ACSBG1: variants seen among roughly 807,000 people sequenced by gnomAD.
The protein encoded by ACSBG1 is acyl-CoA synthetase bubblegum family member 1, also known as long-chain-fatty-acid--CoA ligase ACSBG1.
Under a neutral mutation model 80.2 loss-of-function variants are expected in ACSBG1, and 39 were observed. The ratio of observed to expected loss-of-function variants is 0.49; its 90% confidence interval spans 0.38 to 0.64. ACSBG1 has a LOEUF of 0.64. ACSBG1 is among the 30% of genes least tolerant of loss of function. The pLI is 0.00. For missense variants in ACSBG1, 828 were observed against 966.4 expected, an observed-to-expected ratio of 0.86 and a Z score of 1.90; for synonymous variants, 392 against 379.5, an observed-to-expected ratio of 1.03 and a Z score of -0.38.
chr15:78,193,944 G>A lies in ACSBG1; in HGVS notation c.530C>T (p.Thr177Ile), dbSNP rs749048599. 4 of 1,613,790 alleles carry A rather than the reference G, an allele frequency of 2.5e-6. No individual in the cohort carries two copies. In the East Asian group the frequency reaches 6.7e-5, roughly 27 times the overall value. Reference sequence around the variant, plus strand: ...CCCCGCCACTCACCCTGCAAATACTGTGCCCACTGCCGAGAAGAACCACTC... The same window carrying A: ...CCCCGCCACTCACCCTGCAAATACTATGCCCACTGCCGAGAAGAACCACTC... The part of the protein sequence containing the change: ...SPEWFFSAVG[T>I]VFAGGIVTGI... Residue 177 changes from threonine (T) to isoleucine (I), a missense_variant, in exon 4 of 14, where the codon ACA (threonine) becomes ATA (isoleucine). Transcript: ENST00000258873.
intron 8 of ACSBG1, among the ~76,000 whole-genome samples, chr15:78,181,489 CTTTTTTTTTTTTT>C (rs71145901): frequency 1.2e-5 from 1 of 83,044 alleles, no homozygotes; most frequent in African/African-American, 4.7e-5. Context: ...CATCAGGTTT[CTTTTTTTTTTTTT>C]TTTTTTTTTT....
In ACSBG1 at chr15:78,194,741, A is replaced by G; in HGVS notation, c.233-15T>C. 1 of 1,609,330 alleles carries G rather than the reference A, an allele frequency of 6.2e-7. No individual in the cohort carries two copies. On this transcript the variant is annotated splice_polypyrimidine_tract_variant and intron_variant, in intron 2 of 13. Coordinates refer to ENST00000258873, the MANE Select transcript of ACSBG1 (RefSeq NM_015162.5). ...CAGCGCCTCCTCTGTGGGGTGGGGG[A>G]GACCACAGCTTGGATCATGCCAGCC...
chr15:78,225,446 AAAAT>A (rs2075393016), intron 1 of ACSBG1, among the ~76,000 whole-genome samples: 1 of 150,740 alleles, frequency 6.6e-6, no homozygotes, highest in South Asian at 2.1e-4. Context: ...AATAAATTAA[AAAAT>A]AAAATAAATT....
At chr15:78,174,974 G>A (rs1041184374) in intron 11 of ACSBG1, among the ~76,000 whole-genome samples, 1 of 152,216 alleles carries the variant, frequency 6.6e-6, no homozygotes, top group Admixed American at 6.5e-5. Context: ...CACTCTTATT[G>A]TTTTGCAGAT....
At position 78,208,654 on chromosome 15, in the gene ACSBG1, G is replaced by A. The variant is rs753554765; in HGVS notation, c.132-552C>T. 5.9e-5 allele frequency among the ~76,000 whole-genome samples: 9 copies of A among 152,166 alleles called. 1 individual carries two copies. The highest frequency in any genetic ancestry group is 1.4e-4 in the African/African-American group (6 of 41,450). ...TCCCCTCTTCCATGTGCTTGTGGGTGCACCATGCACCCCATGTCTGTTCAC... is the reference window on the plus strand; with the variant it reads ...TCCCCTCTTCCATGTGCTTGTGGGTACACCATGCACCCCATGTCTGTTCAC... On this transcript the variant is annotated intron_variant, in intron 1 of 13. Transcript: ENST00000258873.
chr15:78,211,462 T>A (rs981214083), intron 1 of ACSBG1, among the ~76,000 whole-genome samples: 1 of 152,208 alleles, frequency 6.6e-6, no homozygotes, highest in African/African-American at 2.4e-5. Flanking sequence ...GAAGAAGAGC[T>A]TACAAGGTTG....
chr15:78,226,916 G>T (rs1475757195), intron 1 of ACSBG1, among the ~76,000 whole-genome samples: 3 of 150,150 alleles, frequency 2.0e-5, no homozygotes, highest in Non-Finnish European at 4.4e-5. Flanking sequence ...AAAAAAATTT[G>T]CTCATCAAAA....
chr15:78,175,064 C>T (rs2074869666), intron 11 of ACSBG1, among the ~76,000 whole-genome samples: 1 of 152,200 alleles, frequency 6.6e-6, no homozygotes, highest in Non-Finnish European at 1.5e-5. Flanking sequence ...GGTTTTAAAT[C>T]CAGTCCATTT....
chr15:78,234,487 A>G lies in ACSBG1; in HGVS notation c.15T>C (p.Ser5=). ...CGTGTGGGCAGCCGTATCCAGCTCCAGAATTGCGTGGCATCTGCCTCGGGC... is the reference window on the plus strand; with the variant it reads ...CGTGTGGGCAGCCGTATCCAGCTCCGGAATTGCGTGGCATCTGCCTCGGGC... The part of the protein sequence containing the change: MPRN[S]GAGYGCPHGD... The change falls in exon 1 of 14, where the codon TCT becomes TCC. Residue 5 remains serine, a synonymous_variant. Coordinates refer to ENST00000258873, the MANE Select transcript of ACSBG1 (RefSeq NM_015162.5). 1 of 1,610,720 alleles carries G rather than the reference A, an allele frequency of 6.2e-7. No homozygotes were observed.
chr15:78,196,276 C>T (rs544310104), intron 2 of ACSBG1, among the ~76,000 whole-genome samples: 21 of 152,238 alleles, frequency 1.4e-4, no homozygotes, highest in Non-Finnish European at 2.8e-4. Context: ...CCCCATATCC[C>T]GGGATGCTAG....
chr15:78,194,918 C>T (rs1221693024), intron 2 of ACSBG1, among the ~76,000 whole-genome samples, 192 bp from the exon 3 acceptor site: 1 of 152,322 alleles, frequency 6.6e-6, no homozygotes, highest in African/African-American at 2.4e-5. Context: ...TCTGACTCAG[C>T]CTTGAAGGAA....
rs575377093 is a variant in ACSBG1, at chr15:78,177,938, C to A, written c.1702+676G>T. Among the ~76,000 whole-genome samples, 1 of 152,284 alleles carries A rather than the reference C, an allele frequency of 6.6e-6. No homozygotes were observed. Among genetic ancestry groups the A allele is most frequent in the East Asian group, 1.9e-4 (1 of 5,184 alleles). On this transcript the variant is annotated intron_variant, in intron 11 of 13. Coordinates refer to ENST00000258873, the MANE Select transcript of ACSBG1 (RefSeq NM_015162.5). The surrounding 1 kb of genome is among the most constrained non-coding windows in gnomAD (Gnocchi z 4.1). ...GTTTGTCTTATTTTAAATTTTATAT[C>A]CAATTTGCATTCTATTCCCCATCAT...
chr15:78,172,585 CT>C lies in ACSBG1; in HGVS notation c.2089+1007del, dbSNP rs1251747120. On this transcript the variant is annotated intron_variant, in intron 13 of 13. Coordinates refer to ENST00000258873, the MANE Select transcript of ACSBG1 (RefSeq NM_015162.5). This position sits in a 1 kb window ranked among gnomAD's most constrained non-coding sequence, Gnocchi z 4.1. ...TGTGTTAAAGTCATTATATTAACTGCTTAGTGAAGACATCTTCTGTCTCTCT... is the reference window on the plus strand; with the variant it reads ...TGTGTTAAAGTCATTATATTAACTGCTAGTGAAGACATCTTCTGTCTCTCT... Among the ~76,000 whole-genome samples the C allele has an allele frequency of 1.3e-5, 2 of 152,204 alleles. No homozygotes were observed. The highest frequency in any genetic ancestry group is 2.9e-5 in the Non-Finnish European group (2 of 68,038).
At chr15:78,197,644 G>A (rs1009172881) in intron 2 of ACSBG1, among the ~76,000 whole-genome samples, 3 of 150,858 alleles carry the variant, frequency 2.0e-5, no homozygotes, top group Admixed American at 1.3e-4. Context: ...GCTTGAACCC[G>A]GGAGGTGGAG....
intron 2 of ACSBG1, among the ~76,000 whole-genome samples, chr15:78,207,402 G>A (rs1478707216): frequency 6.6e-6 from 1 of 152,114 alleles, no homozygotes; most frequent in African/African-American, 2.4e-5. Context: ...AATTTCTGTT[G>A]TTGCTACAAT....
At chr15:78,219,409 A>C (rs1190661727) in intron 1 of ACSBG1, among the ~76,000 whole-genome samples, 6 of 40,272 alleles carry the variant, frequency 1.5e-4, no homozygotes, top group African/African-American at 2.6e-4. Context: ...TTTGTCTCAA[A>C]AAAAAAAAAA....
At position 78,178,666 on chromosome 15, in the gene ACSBG1, A is replaced by G. The variant is rs918166501; in HGVS notation, c.1650T>C (p.Asp550=). The change falls in exon 11 of 14, where the codon GAT becomes GAC. Residue 550 remains aspartate (D), a synonymous_variant. Transcript: ENST00000258873. This position sits in a 1 kb window ranked among gnomAD's most constrained non-coding sequence, Gnocchi z 4.3. The stretch of plus-strand genomic sequence containing the variant: ...AGCCATCGGCGTCCAGGCGGCCAGC[A>G]TCACCCGTGTGCAGCCAGCCTTCCT... The part of the protein sequence containing the change: ...IDEEGWLHTG[D]AGRLDADGFL... The G allele has an allele frequency of 2.6e-5, 42 of 1,613,958 alleles. No individual in the cohort carries two copies. The highest frequency in any genetic ancestry group is 3.3e-5 in the Non-Finnish European group (39 of 1,179,998).
intron 2 of ACSBG1, among the ~76,000 whole-genome samples, chr15:78,200,463 G>A (rs1036292287): frequency 1.3e-5 from 2 of 152,104 alleles, no homozygotes; most frequent in African/African-American, 2.4e-5. Context: ...CCCTGCCCTC[G>A]CTGAGGCCCC....
rs989481232 is a variant in ACSBG1 at position 78,172,522 on chromosome 15, T to C, written c.2090-993A>G. 2.0e-5 allele frequency among the ~76,000 whole-genome samples: 3 copies of C among 152,186 alleles called. No individual in the cohort carries two copies. Among genetic ancestry groups the C allele is most frequent in the South Asian group, 2.1e-4 (1 of 4,828 alleles). ...ATTTGAGGTCCTGGGTAGCTTAAAG[T>C]GCCTAACTCACTCTTGACTGTGTAA... On this transcript the variant is annotated intron_variant, in intron 13 of 13. Coordinates refer to ENST00000258873, the MANE Select transcript of ACSBG1 (RefSeq NM_015162.5). The surrounding 1 kb of genome is among the most constrained non-coding windows in gnomAD (Gnocchi z 4.1).
Sources: gnomAD v4.1 joint callset for allele counts (sites outside exome capture counted in the v4.1 genomes callset) on GRCh38, gnomAD v4.1.1 for gene constraint, Gnocchi (gnomAD v3.1) non-coding constraint, MANE v1.5 for transcripts, NCBI Gene and HGNC (gene_info 2026-07-23, HGNC 2026-07-21) for gene names.